Variants in AGBL4 observed in about 807,000 individuals in gnomAD.
The protein encoded by AGBL4 is AGBL carboxypeptidase 4, also known as cytosolic carboxypeptidase 6.
Under a neutral mutation model 66.4 loss-of-function variants are expected in AGBL4, and 58 were observed. The ratio of observed to expected loss-of-function variants is 0.87; its 90% CI spans 0.71 to 1.09. The LOEUF (loss-of-function observed/expected upper bound fraction) is 1.09, where lower values mean the gene tolerates loss of function less well. AGBL4 is among the 50% of genes least tolerant of loss of function. The pLI, the probability that AGBL4 is intolerant of heterozygous loss-of-function variation, is 0.00. For synonymous variants in AGBL4, 234 were observed against 222.9 expected, an observed-to-expected ratio of 1.05 and a Z score of -0.44; for missense variants, 579 against 631.0, an observed-to-expected ratio of 0.92 and a Z score of 0.88.
chr1:48,530,280 G>A (rs971399762), downstream of AGBL4, among the ~76,000 whole-genome samples: 3 of 152,122 alleles, frequency 2.0e-5, no homozygotes, highest in Non-Finnish European at 4.4e-5. Flanking sequence ...GGACTGTTGG[G>A]AACATTGAAT....
At position 49,591,008 on chromosome 1, in the gene AGBL4, ACTGC is replaced by A. The variant is rs1558081420; in HGVS notation, c.282+106301_282+106304del. 4.6e-5 allele frequency among the ~76,000 whole-genome samples: 7 copies of A among 152,278 alleles called. No homozygotes were observed. In the East Asian group the frequency reaches 1.2e-3, roughly 25 times the overall value. ...CAAAAATTAATAGGACTGAGTAAAC[ACTGC>A]TTAGAGGAAAATGTATAGCTTTAAA... On this transcript the variant is annotated intron_variant, in intron 3 of 13. Coordinates refer to ENST00000371839, the MANE Select transcript of AGBL4 (RefSeq NM_032785.4).
rs1167835143 is a variant in AGBL4 at position 50,019,306 on chromosome 1, T to TCTCTCTCTCACACACACACA, written c.34+4456_34+4457insTGTGTGTGTGTGAGAGAGAG. Among the ~76,000 whole-genome samples, 104 of 48,418 alleles carry TCTCTCTCTCACACACACACA rather than the reference T, an allele frequency of 2.1e-3. 1 individual carries two copies. Among genetic ancestry groups the TCTCTCTCTCACACACACACA allele is most frequent in the East Asian group, 0.014 (13 of 940 alleles). 31.8% of individuals were successfully genotyped at this position (48,418 alleles called of 152,430 possible). A position where few individuals can be genotyped will look rare whatever the true frequency, so the allele number is the denominator to read the frequency against. Reference sequence around the variant, plus strand: ...CTCTCTCTCTCTCTCTCTCTCTCTCTCACACACACACACACACACACACAC... The same window carrying TCTCTCTCTCACACACACACA: ...CTCTCTCTCTCTCTCTCTCTCTCTCTCTCTCTCTCACACACACACACACACACACACACACACACACACAC... On this transcript the variant is annotated intron_variant, in intron 1 of 13. Transcript: ENST00000371839.
chr1:49,731,716 G>GA (rs969966274), intron 2 of AGBL4, among the ~76,000 whole-genome samples: 3 of 151,418 alleles, frequency 2.0e-5, no homozygotes, highest in Admixed American at 1.3e-4. Flanking sequence ...AAGGTGAAGG[G>GA]AAAAAAAATA....
chr1:48,668,047 CT>C (rs1646217285), intron 6 of AGBL4, among the ~76,000 whole-genome samples: 1 of 151,772 alleles, frequency 6.6e-6, no homozygotes, highest in South Asian at 2.1e-4. Flanking sequence ...ACACCTGAGC[CT>C]TTTTTATTTC....
At chr1:49,469,700 C>A (rs571427751) in intron 3 of AGBL4, 1 of 151,938 alleles carries the variant, frequency 6.6e-6, no homozygotes, top group African/African-American at 2.4e-5. Flanking sequence ...TTAAAATTAT[C>A]ATTGAACCAG....
chr1:48,751,655 C>T (rs928213071), intron 6 of AGBL4, among the ~76,000 whole-genome samples: 2 of 152,286 alleles, frequency 1.3e-5, no homozygotes, highest in African/African-American at 4.8e-5. Flanking sequence ...CCAAAAAAAA[C>T]ATAAGCTTGT....
At chr1:48,978,003 C>T (rs1659476242) in intron 5 of AGBL4, among the ~76,000 whole-genome samples, 1 of 152,166 alleles carries the variant, frequency 6.6e-6, no homozygotes, top group Non-Finnish European at 1.5e-5. Flanking sequence ...AGCCATTGCT[C>T]AGAGACAGAT....
At chr1:48,657,481 C>G (rs1243024275) in intron 7 of AGBL4, among the ~76,000 whole-genome samples, 2 of 152,230 alleles carry the variant, frequency 1.3e-5, no homozygotes, top group African/African-American at 4.8e-5. Context: ...GAAAGGAATA[C>G]TGCAGGGCAG....
intron 1 of AGBL4, among the ~76,000 whole-genome samples, chr1:49,970,165 G>A (rs1248169906): frequency 6.6e-6 from 1 of 152,006 alleles, no homozygotes; most frequent in East Asian, 1.9e-4. Flanking sequence ...AAACATAAGG[G>A]AAAAGCTTCT....
At chr1:48,539,585 C>G (rs1056200930) in intron 12 of AGBL4, 57 bp downstream of exon 12, 2 of 1,372,452 alleles carry the variant, frequency 1.5e-6, no homozygotes, top group African/African-American at 1.5e-5. Context: ...GAAGTTGCCC[C>G]TGAATACAGC....
intron 3 of AGBL4, among the ~76,000 whole-genome samples, chr1:49,388,067 T>A (rs1340269550): frequency 5.9e-5 from 9 of 152,248 alleles, no homozygotes; most frequent in African/African-American, 1.2e-4. Flanking sequence ...TGGTTGACAT[T>A]GTCAGGTACT....
At chr1:49,057,448 T>A (rs1557603402) in intron 4 of AGBL4, among the ~76,000 whole-genome samples, 1 of 152,102 alleles carries the variant, frequency 6.6e-6, no homozygotes, top group African/African-American at 2.4e-5. Flanking sequence ...AAAAGCTTAA[T>A]TGGATCATGT....
At position 49,851,425 on chromosome 1, in the gene AGBL4, T is replaced by C; in HGVS notation, c.128A>G (p.His43Arg). 6.5e-7 allele frequency: 1 copy of C among 1,549,990 alleles called. No homozygotes were observed. The highest frequency in any genetic ancestry group is 8.7e-7 in the Non-Finnish European group (1 of 1,146,048). The change falls in exon 2 of 14, where the codon CAT (histidine) becomes CGT (arginine). Residue 43 changes from histidine (H) to arginine (R), a missense_variant. Transcript: ENST00000371839. ...TTCAAAGCAAGCATCAAAGATAAGA[T>C]GTCCTTTCTTGGGCTGTCCACAATA... ...TGYCGQPKKG[H>R]LIFDACFESG...
chr1:48,806,664 G>T (rs1019448098), intron 6 of AGBL4, among the ~76,000 whole-genome samples: 2 of 152,170 alleles, frequency 1.3e-5, no homozygotes, highest in Admixed American at 1.3e-4. Context: ...TAGCCTGGGG[G>T]ACACAAAGAG....
At chr1:49,465,135 A>C (rs1179096471) in intron 3 of AGBL4, among the ~76,000 whole-genome samples, 1 of 150,868 alleles carries the variant, frequency 6.6e-6, no homozygotes, top group Admixed American at 6.6e-5. Flanking sequence ...AGAAAATATA[A>C]TCCCTATTCT....
At chr1:49,636,953 C>G (rs1345376350) in intron 3 of AGBL4, among the ~76,000 whole-genome samples, 1 of 152,114 alleles carries the variant, frequency 6.6e-6, no homozygotes, top group Non-Finnish European at 1.5e-5. Context: ...GCAGACCCAC[C>G]CGTAATCTGG....
intron 6 of AGBL4, among the ~76,000 whole-genome samples, chr1:48,768,655 T>C (rs12739065): frequency 0.07 from 10,652 of 152,270 alleles, 595 homozygotes; most frequent in East Asian, 0.3. Flanking sequence ...ATTTGACATA[T>C]AATCAGGCTG....
rs748867152 is a variant in AGBL4, at chr1:48,722,126, GGGGT to G, written c.635-58889_635-58886del. Among the ~76,000 whole-genome samples the G allele has an allele frequency of 4.7e-4, 65 of 138,686 alleles. No homozygotes were observed. The South Asian group carries it at 0.013, about 27-fold the overall frequency. 91.0% of individuals were successfully genotyped at this position (138,686 alleles called of 152,430 possible). A position where few individuals can be genotyped will look rare whatever the true frequency, so the allele number is the denominator to read the frequency against. On this transcript the variant is annotated intron_variant, in intron 6 of 13. Coordinates refer to ENST00000371839, the MANE Select transcript of AGBL4 (RefSeq NM_032785.4). The stretch of plus-strand genomic sequence containing the variant: ...AAATCTGGTTATTGTTTGTTTATTT[GGGGT>G]GGGTGGGTGGGTGGGCATTGGTGAA...
In AGBL4 at chr1:49,949,391, T is replaced by A. The variant is rs553534196; in HGVS notation, c.34+74372A>T. Among the ~76,000 whole-genome samples, 3 of 151,840 alleles carry A rather than the reference T, an allele frequency of 2.0e-5. No homozygotes were observed. The East Asian group carries it at 5.8e-4, about 29-fold the overall frequency. ...TGGACTTAATTAAAGAGCTTTTCCA[T>A]GGCAAAAGGAACAGTCAGCAGAGTA... is the stretch of plus-strand genomic sequence containing the variant. On this transcript the variant is annotated intron_variant, in intron 1 of 13. Coordinates refer to ENST00000371839, the MANE Select transcript of AGBL4 (RefSeq NM_032785.4).
Sources: allele counts gnomAD v4.1 joint callset (sites outside exome capture counted in the v4.1 genomes callset), GRCh38; gene constraint gnomAD v4.1.1; transcripts MANE v1.5; gene names NCBI Gene and HGNC (gene_info 2026-07-23, HGNC 2026-07-21).